ZNF212: variants seen among roughly 807,000 people sequenced by gnomAD.
The protein encoded by ZNF212 is zinc finger protein 212, also known as Zinc finger protein C2H2-150.
A neutral mutation model predicts 47.3 loss-of-function variants in ZNF212; 32 were observed. That is an observed-to-expected ratio of 0.68 (90% CI 0.51 to 0.91). The LOEUF (loss-of-function observed/expected upper bound fraction) is 0.91. ZNF212 is among the 40% of genes least tolerant of loss of function. ZNF212 has a pLI of 0.00. For missense variants in ZNF212, 555 were observed against 622.8 expected (o/e 0.89, Z 1.16); for synonymous variants, 242 against 253.8 (o/e 0.95, Z 0.44).
intron 1 of ZNF212, among the ~76,000 whole-genome samples, chr7:149,244,199 G>T (rs569117862): frequency 6.6e-6 from 1 of 152,152 alleles, no homozygotes; most frequent in Admixed American, 6.5e-5. Context: ...CCTCCCAAAG[G>T]GTTGGGGTTA....
At chr7:149,252,914 C>G in intron 4 of ZNF212, 119 bp downstream of exon 4, 5 of 936,342 alleles carry the variant, frequency 5.3e-6, no homozygotes, top group Non-Finnish European at 8.3e-6. Context: ...TCTGCTTGTT[C>G]TGGACTCCTT....
chr7:149,250,193 C>A lies in ZNF212; in HGVS notation c.59C>A (p.Ser20Tyr). The A allele has an allele frequency of 3.2e-6, 5 of 1,556,302 alleles. No individual in the cohort carries two copies. The highest frequency in any genetic ancestry group is 4.3e-6 in the Non-Finnish European group (5 of 1,152,418). The change falls in exon 2 of 5, where the codon TCT (serine) becomes TAT (tyrosine). Residue 20 changes from serine to tyrosine, a missense_variant. Coordinates refer to ENST00000335870, the MANE Select transcript of ZNF212 (RefSeq NM_012256.4). Reference sequence around the variant, plus strand: ...AAACGACGCTCCACACCTTTAACTTCTTCCACACTTCCTTCACAAGCAACA... The same window carrying A: ...AAACGACGCTCCACACCTTTAACTTATTCCACACTTCCTTCACAAGCAACA... Reference protein sequence around the residue: ...RRKRRSTPLTSSTLPSQATEK... With the variant: ...RRKRRSTPLTYSTLPSQATEK...
intron 1 of ZNF212, among the ~76,000 whole-genome samples, chr7:149,247,304 C>T (rs1012856433): frequency 3.3e-5 from 5 of 151,202 alleles, no homozygotes; most frequent in African/African-American, 1.2e-4. Flanking sequence ...AGGTGGGGGT[C>T]TTGCTTTGTT....
intron 1 of ZNF212, among the ~76,000 whole-genome samples, chr7:149,247,556 A>G (rs1796695545): frequency 6.6e-6 from 1 of 152,216 alleles, no homozygotes; most frequent in Non-Finnish European, 1.5e-5. Context: ...GGAAAAATAC[A>G]CTAAATATAT....
rs151234502 is a variant in ZNF212 at position 149,253,077 on chromosome 7, C to T, written c.631+282C>T. Among the ~76,000 whole-genome samples the T allele has an allele frequency of 1.8e-3, 278 of 152,050 alleles. 1 individual carries two copies. Among genetic ancestry groups the T allele is most frequent in the Admixed American group, 2.5e-3 (38 of 15,276 alleles). ...TAGTCAAAACCTGCTGGAGATTGAG[C>T]GTAGGTATGTCAGAGCTTCAGGAGG... On this transcript the variant is annotated intron_variant, in intron 4 of 4. Coordinates refer to ENST00000335870, the MANE Select transcript of ZNF212 (RefSeq NM_012256.4).
In ZNF212 at chr7:149,255,231, G is replaced by A. The variant is rs1796819250; in HGVS notation, c.*816G>A. On this transcript the variant is annotated 3_prime_UTR_variant, in exon 5 of 5. Transcript: ENST00000335870. ...TGCTGATGGTATGGCTGTGGTCTGGGACTTGCGGTGTCTCGGCATACCCCT... is the reference window on the plus strand; with the variant it reads ...TGCTGATGGTATGGCTGTGGTCTGGAACTTGCGGTGTCTCGGCATACCCCT... 6.5e-6 allele frequency: 1 copy of A among 152,746 alleles called. No homozygotes were observed. The highest frequency in any genetic ancestry group is 2.1e-4 in the South Asian group (1 of 4,830). The allele number at this position is 152,746 out of a possible 1,614,324, so 9.5% of individuals were successfully genotyped here. A position where few individuals can be genotyped will look rare whatever the true frequency, so the allele number is the denominator to read the frequency against.
chr7:149,243,937 A>G lies in ZNF212; in HGVS notation c.24+4135A>G, dbSNP rs1167381901. ...AGGAACTGAGTTTTAAATTTTATTT[A>G]TTTATTTTGAGACAGACTCTCACTC... On this transcript the variant is annotated intron_variant, in intron 1 of 4. Coordinates refer to ENST00000335870, the MANE Select transcript of ZNF212 (RefSeq NM_012256.4). Among the ~76,000 whole-genome samples, 10 of 152,028 alleles carry G rather than the reference A, an allele frequency of 6.6e-5. No homozygotes were observed. In the South Asian group the frequency reaches 1.9e-3, roughly 28 times the overall value.
intron 1 of ZNF212, among the ~76,000 whole-genome samples, chr7:149,243,093 G>A (rs1345760659): frequency 6.6e-6 from 1 of 152,146 alleles, no homozygotes; most frequent in Non-Finnish European, 1.5e-5. Context: ...CAACTAGATG[G>A]TTTAAAAGAG....
chr7:149,248,158 A>T (rs1796703627), intron 1 of ZNF212, among the ~76,000 whole-genome samples: 1 of 152,098 alleles, frequency 6.6e-6, no homozygotes, highest in Non-Finnish European at 1.5e-5. Context: ...CTCCCACGAG[A>T]CTTCACCTCC....
Position 149,239,726 on chromosome 7 carries a change from C to G in ZNF212, c.-53C>G. 7.8e-7 allele frequency: 1 copy of G among 1,283,090 alleles called. No individual in the cohort carries two copies. The highest frequency in any genetic ancestry group is 3.0e-5 in the East Asian group (1 of 33,202). 79.5% of individuals were successfully genotyped at this position (1,283,090 alleles called of 1,614,324 possible). On this transcript the variant is annotated 5_prime_UTR_variant, in exon 1 of 5. Transcript: ENST00000335870. ...CTCTGGGGCGCCGAGCGGACAGGAA[C>G]GCAGCACGGGGGCTCCGAGGCGGGG... is the stretch of plus-strand genomic sequence containing the variant.
chr7:149,251,615 G>A (rs1796760479), intron 3 of ZNF212, among the ~76,000 whole-genome samples: 1 of 149,026 alleles, frequency 6.7e-6, no homozygotes, highest in African/African-American at 2.5e-5. Context: ...AGTTTTCCGA[G>A]TAGCTGGGAT....
chr7:149,242,217 C>T (rs773676548), intron 1 of ZNF212, among the ~76,000 whole-genome samples: 1 of 151,736 alleles, frequency 6.6e-6, no homozygotes, highest in Non-Finnish European at 1.5e-5. Flanking sequence ...GATGGGGTTT[C>T]ACCGTGTTGG....
intron 1 of ZNF212, among the ~76,000 whole-genome samples, chr7:149,245,037 T>G (rs1234848156): frequency 6.6e-6 from 1 of 152,110 alleles, no homozygotes; most frequent in Non-Finnish European, 1.5e-5. Context: ...TGTTAAAACA[T>G]TGAAAGATAT....
chr7:149,252,317 C>G, intron 3 of ZNF212, among the ~76,000 whole-genome samples: 1 of 152,128 alleles, frequency 6.6e-6, no homozygotes, highest in East Asian at 1.9e-4. Context: ...CCTTGTCTGT[C>G]CCAGTGCCCA....
intron 1 of ZNF212, among the ~76,000 whole-genome samples, chr7:149,249,621 G>A (rs2129524320): frequency 6.6e-6 from 1 of 151,858 alleles, no homozygotes; most frequent in African/African-American, 2.4e-5. Context: ...AATTCAAACA[G>A]CTTCTTTCTT....
Position 149,254,517 on chromosome 7 carries a change from T to C in ZNF212, c.*102T>C. 7 of 1,443,204 alleles carry C rather than the reference T, an allele frequency of 4.9e-6. No homozygotes were observed. Among genetic ancestry groups the C allele is most frequent in the Non-Finnish European group, 6.4e-6 (7 of 1,098,302 alleles). The allele number at this position is 1,443,204 out of a possible 1,614,324, so 89.4% of individuals were successfully genotyped here. ...CTGAGTTCTTCCTGAGGGCAGTTGT[T>C]TGTGATTGCCTTCCCTTGTCCCAGT... On this transcript the variant is annotated 3_prime_UTR_variant, in exon 5 of 5. Transcript: ENST00000335870. The surrounding 1 kb of genome is among the most constrained non-coding windows in gnomAD (Gnocchi z 4.5).
At chr7:149,251,225 C>G in intron 3 of ZNF212, 1 of 226,598 alleles carries the variant, frequency 4.4e-6, no homozygotes, top group Non-Finnish European at 8.6e-6. Flanking sequence ...TGCTCTATTG[C>G]CCAGGCTGGA....
Position 149,241,961 on chromosome 7 carries a change from C to T in ZNF212, c.24+2159C>T, listed in dbSNP as rs184070685. On this transcript the variant is annotated intron_variant, in intron 1 of 4. Transcript: ENST00000335870. Reference sequence around the variant, plus strand: ...TTGGCACTGAGATTACAGGCGTGAGCCACCGTGCCTGGCCATAGTTTCGTT... The same window carrying T: ...TTGGCACTGAGATTACAGGCGTGAGTCACCGTGCCTGGCCATAGTTTCGTT... Among the ~76,000 whole-genome samples the T allele has an allele frequency of 6.7e-3, 1,026 of 152,038 alleles. 12 individuals carry two copies. Among genetic ancestry groups the T allele is most frequent in the Admixed American group, 0.03 (451 of 15,258 alleles).
At chr7:149,246,041 T>C (rs1796671464) in intron 1 of ZNF212, among the ~76,000 whole-genome samples, 1 of 152,260 alleles carries the variant, frequency 6.6e-6, no homozygotes, top group African/African-American at 2.4e-5. Context: ...AAGGTGGTTG[T>C]GTTTTCATTT....
Sources: allele counts gnomAD v4.1 joint callset (sites outside exome capture counted in the v4.1 genomes callset), GRCh38; gene constraint gnomAD v4.1.1; non-coding constraint Gnocchi (gnomAD v3.1); transcripts MANE v1.5; gene names NCBI Gene and HGNC (gene_info 2026-07-23, HGNC 2026-07-21).